Variants in BRI3 observed in about 807,000 individuals in gnomAD.
BRI3 encodes the protein brain protein I3.
A neutral mutation model predicts 12.8 loss-of-function variants in BRI3; 6 were observed. The ratio of observed to expected loss-of-function variants is 0.47; its 90% CI spans 0.26 to 0.93. The LOEUF is 0.93. Among genes scored for constraint, BRI3 ranks in the 40% least tolerant of loss-of-function variants. The pLI is 0.15. For missense variants in BRI3, 134 were observed against 171.1 expected, an observed-to-expected ratio of 0.78 and a Z score of 1.21; for synonymous variants, 91 against 76.1, an observed-to-expected ratio of 1.20 and a Z score of -1.02.
downstream of BRI3, chr7:98,312,296 AAG>A: frequency 6.3e-7 from 1 of 1,575,216 alleles, no homozygotes; most frequent in Non-Finnish European, 8.6e-7. Flanking sequence ...ACTAAAGACA[AAG>A]AAGATTGTCT....
Position 98,282,471 on chromosome 7 carries a change from C to T in BRI3, c.245+18C>T. The T allele has an allele frequency of 1.2e-6, 2 of 1,603,874 alleles. No individual in the cohort carries two copies. The highest frequency in any genetic ancestry group is 1.1e-5 in the South Asian group (1 of 90,874). On this transcript the variant is annotated intron_variant, in intron 2 of 2. Transcript: ENST00000297290. ...GTCTGCAGGTGAGTGGGTCTGCAGC[C>T]TGGGGACTGGCCCTGGAAGCTCTGA...
At chr7:98,300,367 C>T (rs895339560) in intron 1 of BRI3, among the ~76,000 whole-genome samples, 17 of 152,206 alleles carry the variant, frequency 1.1e-4, no homozygotes, top group African/African-American at 3.4e-4. Flanking sequence ...CTGGATGAAA[C>T]GTGGTCACTT....
chr7:98,319,087 C>A, the BRI3 span, among the ~76,000 whole-genome samples: 1 of 152,180 alleles, frequency 6.6e-6, no homozygotes. Context: ...GAGGGTGCAG[C>A]CAGGCAGCAG....
chr7:98,298,003 G>T (rs1313289412), intron 1 of BRI3, among the ~76,000 whole-genome samples: 2 of 152,204 alleles, frequency 1.3e-5, no homozygotes, highest in African/African-American at 4.8e-5. Context: ...GGCCAAGGCA[G>T]GAGGACTGCC....
At chr7:98,295,097 G>A (rs534866364), downstream of BRI3, among the ~76,000 whole-genome samples, 107 of 152,340 alleles carry the variant, frequency 7.0e-4, no homozygotes, top group African/African-American at 2.4e-3. Context: ...GGGGTCTCAG[G>A]GAGCACGCAG....
At chr7:98,298,378 C>T (rs1800277098) in intron 1 of BRI3, among the ~76,000 whole-genome samples, 1 of 152,174 alleles carries the variant, frequency 6.6e-6, no homozygotes, top group South Asian at 2.1e-4. Context: ...TTTGGGAGGC[C>T]GAGGCAGACG....
chr7:98,315,484 G>A, the BRI3 span: 1 of 1,500,576 alleles, frequency 6.7e-7, no homozygotes, highest in Admixed American at 2.2e-5. Context: ...AATGTATGTG[G>A]TTTGCAAAGC....
At chr7:98,317,657 T>C in the BRI3 span, among the ~76,000 whole-genome samples, 1 of 151,560 alleles carries the variant, frequency 6.6e-6, no homozygotes, top group East Asian at 1.9e-4. Context: ...ATCCACACAC[T>C]GGCTGGGACC....
chr7:98,313,337 G>A (rs2116881381), downstream of BRI3, among the ~76,000 whole-genome samples: 1 of 152,244 alleles, frequency 6.6e-6, no homozygotes, highest in African/African-American at 2.4e-5. Context: ...ACTCTAGAAA[G>A]CATTACTGGG....
upstream of BRI3, chr7:98,304,474 C>T (rs1800555466): frequency 8.6e-7 from 1 of 1,168,260 alleles, no homozygotes; most frequent in Non-Finnish European, 1.2e-6. Context: ...AGTAATAGTA[C>T]ATCACCAATC....
chr7:98,283,088 T>G (rs1478512580), intron 2 of BRI3: 2 of 152,366 alleles, frequency 1.3e-5, no homozygotes, highest in African/African-American at 4.8e-5. Flanking sequence ...GAGGTGCAGC[T>G]AGAGGCTTGT....
At chr7:98,319,358 G>A in the BRI3 span, among the ~76,000 whole-genome samples, 2 of 152,132 alleles carry the variant, frequency 1.3e-5, no homozygotes, top group South Asian at 4.1e-4. Context: ...GATGGGCCAG[G>A]GCACACCGGG....
chr7:98,306,410 C>T (rs763694432), upstream of BRI3: 18 of 1,612,860 alleles, frequency 1.1e-5, no homozygotes, highest in African/African-American at 4.0e-5. Flanking sequence ...TTTCTGTCAC[C>T]GGGAGAGCTC....
chr7:98,282,478 C>T, intron 2 of BRI3, 25 bp downstream of exon 2: 1 of 1,596,800 alleles, frequency 6.3e-7, no homozygotes, highest in South Asian at 1.1e-5. Context: ...AGCCTGGGGA[C>T]TGGCCCTGGA....
In BRI3 at chr7:98,281,945, C is replaced by T. The variant is rs1056160477; in HGVS notation, c.142+8C>T. 6 of 1,303,226 alleles carry T rather than the reference C, an allele frequency of 4.6e-6. No homozygotes were observed. Among genetic ancestry groups the T allele is most frequent in the Non-Finnish European group, 5.8e-6 (6 of 1,028,106 alleles). 80.7% of individuals were successfully genotyped at this position (1,303,226 alleles called of 1,614,324 possible). On this transcript the variant is annotated splice_region_variant and intron_variant, in intron 1 of 2. Coordinates refer to ENST00000297290, the MANE Select transcript of BRI3 (RefSeq NM_015379.5). Reference sequence around the variant, plus strand: ...ACCCCTACCTCGTCACAGGTGGGCCCGTAACCAACTTTCCCCGCCGGCGGC... The same window carrying T: ...ACCCCTACCTCGTCACAGGTGGGCCTGTAACCAACTTTCCCCGCCGGCGGC...
chr7:98,304,986 C>T (rs888153348), upstream of BRI3, among the ~76,000 whole-genome samples: 7 of 151,392 alleles, frequency 4.6e-5, no homozygotes, highest in African/African-American at 1.5e-4. Context: ...CTGCCTCAGC[C>T]TCCCAAGTAG....
At chr7:98,299,993 A>G (rs1175211233) in intron 1 of BRI3, among the ~76,000 whole-genome samples, 1 of 152,154 alleles carries the variant, frequency 6.6e-6, no homozygotes. Context: ...GTGAACCAAG[A>G]TCATGCCACT....
downstream of BRI3, among the ~76,000 whole-genome samples, chr7:98,314,976 T>C (rs1801020174): frequency 6.6e-6 from 1 of 152,264 alleles, no homozygotes; most frequent in South Asian, 2.1e-4. Flanking sequence ...ACATGGACGT[T>C]TGACCATTTC....
intron 2 of BRI3, among the ~76,000 whole-genome samples, chr7:98,285,300 G>C (rs1381475521): frequency 6.6e-6 from 1 of 152,150 alleles, no homozygotes; most frequent in African/African-American, 2.4e-5. Context: ...GGTGGTGACT[G>C]TGGAGCCCGG....
Sources: allele counts gnomAD v4.1 joint callset (sites outside exome capture counted in the v4.1 genomes callset), GRCh38; gene constraint gnomAD v4.1.1; transcripts MANE v1.5; gene names NCBI Gene and HGNC (gene_info 2026-07-23, HGNC 2026-07-21).